Variants in DCDC2 observed in about 807,000 individuals in gnomAD.
DCDC2 encodes doublecortin domain containing 2, also known as doublecortin domain-containing protein 2.
A neutral mutation model predicts 50.2 loss-of-function variants in DCDC2; 40 were observed. The ratio of observed to expected loss-of-function variants is 0.80; its 90% CI spans 0.62 to 1.04. The LOEUF is 1.04. Ranked by LOEUF, DCDC2 falls within the 50% of genes least tolerant of loss-of-function variation. The pLI is 0.00. For synonymous variants in DCDC2, 234 were observed against 210.6 expected (o/e 1.11, Z -0.96); for missense variants, 570 against 581.9 (o/e 0.98, Z 0.21).
chr6:24,368,423 C>A, the DCDC2 span, among the ~76,000 whole-genome samples: 1 of 151,792 alleles, frequency 6.6e-6, no homozygotes, highest in Non-Finnish European at 1.5e-5. Context: ...ACAAAATAGG[C>A]ACATAACAAA....
rs78117158 is a variant in DCDC2, at chr6:24,357,931, T to C, written c.-181A>G. The C allele has an allele frequency of 8.6e-6, 13 of 1,514,706 alleles. No homozygotes were observed. Among genetic ancestry groups the C allele is most frequent in the African/African-American group, 1.4e-5 (1 of 71,596 alleles). 93.8% of individuals were successfully genotyped at this position (1,514,706 alleles called of 1,614,324 possible). A position where few individuals can be genotyped will look rare whatever the true frequency, so the allele number is the denominator to read the frequency against. On this transcript the variant is annotated 5_prime_UTR_variant, in exon 1 of 10. Transcript: ENST00000378454. Reference sequence around the variant, plus strand: ...CTAGGCGTCCACCCAGAGGAGACACTAGGAGCTTGCAGGACTCGGAGTAGA... The same window carrying C: ...CTAGGCGTCCACCCAGAGGAGACACCAGGAGCTTGCAGGACTCGGAGTAGA...
chr6:24,201,272 A>G (rs560449729), intron 8 of DCDC2, among the ~76,000 whole-genome samples: 1 of 152,320 alleles, frequency 6.6e-6, no homozygotes, highest in African/African-American at 2.4e-5. Flanking sequence ...TCCTCAGCAA[A>G]TGCAAAATAA....
At chr6:24,299,589 A>G (rs979633089) in intron 4 of DCDC2, among the ~76,000 whole-genome samples, 1 of 152,214 alleles carries the variant, frequency 6.6e-6, no homozygotes, top group Admixed American at 6.5e-5. Context: ...CTTAATGAAA[A>G]AATTAGGATT....
intron 7 of DCDC2, among the ~76,000 whole-genome samples, chr6:24,274,741 A>G (rs1267156695): frequency 2.0e-5 from 3 of 152,034 alleles, no homozygotes; most frequent in South Asian, 2.1e-4. Context: ...TAAATATCAG[A>G]TATTTTTAAA....
At chr6:24,206,155 A>C (rs793860) in intron 7 of DCDC2, among the ~76,000 whole-genome samples, 2,712 of 152,224 alleles carry the variant, frequency 0.018, 73 homozygotes, top group African/African-American at 0.061. Context: ...TGTAAAATAT[A>C]TTTTTACACT....
chr6:24,303,131 T>A (rs1759412612), intron 2 of DCDC2, among the ~76,000 whole-genome samples: 1 of 151,966 alleles, frequency 6.6e-6, no homozygotes, highest in South Asian at 2.1e-4. Context: ...CTGGTGCCTT[T>A]AATTTTCCCC....
At chr6:24,347,489 A>G (rs1760288871) in intron 2 of DCDC2, among the ~76,000 whole-genome samples, 1 of 152,258 alleles carries the variant, frequency 6.6e-6, no homozygotes. Flanking sequence ...AACATTTAAA[A>G]ATGACATAAA....
chr6:24,346,120 G>A (rs1760249271), intron 2 of DCDC2, among the ~76,000 whole-genome samples: 1 of 146,724 alleles, frequency 6.8e-6, no homozygotes, highest in Admixed American at 6.9e-5. Context: ...GGAGGTTGCA[G>A]TGAACAGAGA....
At chr6:24,255,491 C>G (rs1488045571) in intron 7 of DCDC2, among the ~76,000 whole-genome samples, 1 of 151,840 alleles carries the variant, frequency 6.6e-6, no homozygotes, top group Non-Finnish European at 1.5e-5. Flanking sequence ...ACAAAAAAGT[C>G]ATTCAGAAAG....
intron 2 of DCDC2, among the ~76,000 whole-genome samples, chr6:24,352,703 G>A (rs576404501): frequency 6.6e-6 from 1 of 152,280 alleles, no homozygotes; most frequent in East Asian, 1.9e-4. Context: ...AGGAAATGGT[G>A]AGTGTTGAGG....
upstream of DCDC2, chr6:24,358,154 G>A: frequency 2.1e-6 from 1 of 477,316 alleles, no homozygotes; most frequent in Non-Finnish European, 3.8e-6. Flanking sequence ...ACACAAATAT[G>A]GTGAAACCCA....
intron 2 of DCDC2, among the ~76,000 whole-genome samples, chr6:24,309,927 C>T (rs975780482): frequency 2.0e-5 from 3 of 151,964 alleles, no homozygotes; most frequent in Non-Finnish European, 4.4e-5. Context: ...CCCAGGAGTT[C>T]AGGACCAGCT....
chr6:24,338,356 A>G (rs1356052497), intron 2 of DCDC2, among the ~76,000 whole-genome samples: 2 of 152,226 alleles, frequency 1.3e-5, no homozygotes, highest in Admixed American at 6.5e-5. Context: ...GCCATTAAAA[A>G]AAAACAACAA....
At chr6:24,237,645 A>G (rs2113788264) in intron 7 of DCDC2, among the ~76,000 whole-genome samples, 1 of 152,346 alleles carries the variant, frequency 6.6e-6, no homozygotes, top group East Asian at 1.9e-4. Context: ...GACTATTCAC[A>G]ATAGCAAAGA....
At chr6:24,315,729 G>C (rs1039155161) in intron 2 of DCDC2, among the ~76,000 whole-genome samples, 1 of 152,120 alleles carries the variant, frequency 6.6e-6, no homozygotes, top group African/African-American at 2.4e-5. Flanking sequence ...AGGCTGGCGG[G>C]CACAATGCAG....
chr6:24,348,846 C>T (rs1016008555), intron 2 of DCDC2, among the ~76,000 whole-genome samples: 3 of 152,140 alleles, frequency 2.0e-5, no homozygotes, highest in African/African-American at 7.2e-5. Flanking sequence ...TTCTCCTACA[C>T]GCTGAACTCC....
At chr6:24,264,726 A>C (rs2113808654) in intron 7 of DCDC2, among the ~76,000 whole-genome samples, 1 of 152,214 alleles carries the variant, frequency 6.6e-6, no homozygotes, top group South Asian at 2.1e-4. Flanking sequence ...ATCCAAAACA[A>C]CCAGAAAACA....
intron 2 of DCDC2, among the ~76,000 whole-genome samples, chr6:24,325,714 C>G (rs1430095666): frequency 6.7e-6 from 1 of 149,384 alleles, no homozygotes; most frequent in Non-Finnish European, 1.5e-5. Flanking sequence ...ACATTCTTCT[C>G]CCTCTCTCTT....
chr6:24,273,638 T>C (rs1249860271), intron 7 of DCDC2, among the ~76,000 whole-genome samples: 1 of 152,238 alleles, frequency 6.6e-6, no homozygotes, highest in African/African-American at 2.4e-5. Context: ...TTTCCTCATG[T>C]GCTTCCGGTT....
Sources: allele counts gnomAD v4.1 joint callset (sites outside exome capture counted in the v4.1 genomes callset), GRCh38; gene constraint gnomAD v4.1.1; transcripts MANE v1.5; gene names NCBI Gene and HGNC (gene_info 2026-07-23, HGNC 2026-07-21).